The following CORO1C variants were observed in gnomAD, a reference collection of about 807,000 sequenced individuals.
The protein encoded by CORO1C is coronin 1C, also known as coronin-1C.
In CORO1C, 14 loss-of-function variants were observed where a neutral mutation model predicts 51.2. That is an observed-to-expected ratio of 0.27 (90% CI 0.18 to 0.43). The LOEUF (loss-of-function observed/expected upper bound fraction) is 0.43. Among genes scored for constraint, CORO1C ranks in the 20% least tolerant of loss-of-function variants. The pLI, the probability that CORO1C is intolerant of heterozygous loss-of-function variation, is 1.00. For missense variants in CORO1C, 417 were observed against 607.8 expected, an observed-to-expected ratio of 0.69 and a Z score of 3.30; for synonymous variants, 181 against 210.5, an observed-to-expected ratio of 0.86 and a Z score of 1.21.
rs568254702 is a variant in CORO1C, at chr12:108,689,164, C to T, written c.196-10770G>A. 2.6e-5 allele frequency among the ~76,000 whole-genome samples: 4 copies of T among 152,272 alleles called. No homozygotes were observed. In the South Asian group the frequency reaches 8.3e-4, roughly 32 times the overall value. On this transcript the variant is annotated intron_variant, in intron 2 of 10. Coordinates refer to ENST00000261401, the MANE Select transcript of CORO1C (RefSeq NM_014325.4). ...GCAGTGAGCTGAGATCGCACCACTG[C>T]ACTCCAGCCTGGGCAACAGAGCGAG...
At chr12:108,704,019 C>T (rs1045991979) in intron 1 of CORO1C, among the ~76,000 whole-genome samples, 3 of 152,146 alleles carry the variant, frequency 2.0e-5, no homozygotes, top group Non-Finnish European at 2.9e-5. Context: ...TGAGGAAGGC[C>T]TCTCACTTGA....
intron 1 of CORO1C, among the ~76,000 whole-genome samples, chr12:108,717,329 G>A (rs765613339): frequency 2.6e-5 from 4 of 152,258 alleles, no homozygotes; most frequent in Non-Finnish European, 4.4e-5. Flanking sequence ...CCGGATCACA[G>A]AGGGCTTTCT....
At chr12:108,647,628 C>A in intron 10 of CORO1C, 106 bp from the exon 11 acceptor site, 2 of 744,610 alleles carry the variant, frequency 2.7e-6, no homozygotes. Context: ...TTGCAAACGG[C>A]AAGCCATAGT....
At chr12:108,717,883 G>T (rs7955014) in intron 1 of CORO1C, among the ~76,000 whole-genome samples, 1 of 152,188 alleles carries the variant, frequency 6.6e-6, no homozygotes, top group Non-Finnish European at 1.5e-5. Flanking sequence ...TCGCAAAAGT[G>T]TCTGGAGCTT....
intron 2 of CORO1C, among the ~76,000 whole-genome samples, chr12:108,695,875 A>AG (rs1491529320): frequency 6.6e-6 from 1 of 151,340 alleles, no homozygotes; most frequent in East Asian, 1.9e-4. Context: ...AAAAAAAAAA[A>AG]CAGTCTTTCA....
chr12:108,648,594 CT>C lies in CORO1C; in HGVS notation c.1305+10del. 1 of 1,614,140 alleles carries C rather than the reference CT, an allele frequency of 6.2e-7. No individual in the cohort carries two copies. The highest frequency in any genetic ancestry group is 8.5e-7 in the Non-Finnish European group (1 of 1,180,032). On this transcript the variant is annotated intron_variant, in intron 10 of 10. Coordinates refer to ENST00000261401, the MANE Select transcript of CORO1C (RefSeq NM_014325.4). Reference sequence around the variant, plus strand: ...ACCAGCCAAGCACCCCTGCACTCCACTGGTCCTCACCACACTGGCCGTGTCT... The same window carrying C: ...ACCAGCCAAGCACCCCTGCACTCCACGGTCCTCACCACACTGGCCGTGTCT...
chr12:108,706,186 C>G, intron 1 of CORO1C, among the ~76,000 whole-genome samples: 1 of 118,582 alleles, frequency 8.4e-6, no homozygotes, highest in Admixed American at 9.3e-5. Context: ...GACTCTGAAT[C>G]AAAAAAAAAC....
At chr12:108,725,437 T>C (rs907186955) in intron 1 of CORO1C, among the ~76,000 whole-genome samples, 5 of 152,208 alleles carry the variant, frequency 3.3e-5, no homozygotes, top group Non-Finnish European at 7.3e-5. Context: ...ATCTTGCCAA[T>C]GACCCTGCAA....
In CORO1C at chr12:108,648,977, T is replaced by A. The variant is rs200269891; in HGVS notation, c.1045A>T (p.Thr349Ser). 7 of 1,614,172 alleles carry A rather than the reference T, an allele frequency of 4.3e-6. No individual in the cohort carries two copies. The highest frequency in any genetic ancestry group is 5.9e-6 in the Non-Finnish European group (7 of 1,180,032). Residue 349 changes from threonine (T) to serine (S), a missense_variant, in exon 9 of 11, where the codon ACT becomes TCT. Thr to Ser is a moderately conservative substitution (Grantham distance 58). Transcript: ENST00000261401. ...HERKCEPIIMTVPRKSDLFQD... is the reference protein window; with the variant it reads ...HERKCEPIIMSVPRKSDLFQD... ...TCAGCACTCACCTTCCTGGGAACAG[T>A]CATAATAATAGGTTCACACTTTCTC...
In CORO1C at chr12:108,716,127, C is replaced by CAAAAAAA. The variant is rs61278729; in HGVS notation, c.-5-14811_-5-14805dup. Among the ~76,000 whole-genome samples, 9 of 41,094 alleles carry CAAAAAAA rather than the reference C, an allele frequency of 2.2e-4. 1 individual carries two copies. Among genetic ancestry groups the CAAAAAAA allele is most frequent in the Non-Finnish European group, 2.7e-4 (7 of 25,800 alleles). The allele number at this position is 41,094 out of a possible 152,430, so 27.0% of individuals were successfully genotyped here. On this transcript the variant is annotated intron_variant, in intron 1 of 10. Coordinates refer to ENST00000261401, the MANE Select transcript of CORO1C (RefSeq NM_014325.4). The stretch of plus-strand genomic sequence containing the variant: ...TTGGCAATAGAACGAGACTCTGTCG[C>CAAAAAAA]AAAAAAAAAAAAAAAAAAAAAAAAA...
At chr12:108,657,482 G>T (rs202147131) in intron 5 of CORO1C, 59 bp from the exon 6 acceptor site, 2 of 1,584,238 alleles carry the variant, frequency 1.3e-6, no homozygotes, top group East Asian at 4.5e-5. Flanking sequence ...GGTGAGTGGA[G>T]AAACTCGGGC....
intron 1 of CORO1C, among the ~76,000 whole-genome samples, chr12:108,728,078 T>C (rs2035632265): frequency 6.6e-6 from 1 of 152,200 alleles, no homozygotes; most frequent in Non-Finnish European, 1.5e-5. Context: ...GTGGAGAATT[T>C]AGAACCTTCA....
At chr12:108,655,312 T>C (rs1184878780) in intron 6 of CORO1C, among the ~76,000 whole-genome samples, 1 of 152,148 alleles carries the variant, frequency 6.6e-6, no homozygotes, top group Non-Finnish European at 1.5e-5. Flanking sequence ...TCCAAAACAC[T>C]AGATTCTTCA....
intron 1 of CORO1C, among the ~76,000 whole-genome samples, chr12:108,721,601 A>C (rs1484011560): frequency 6.6e-6 from 1 of 152,256 alleles, no homozygotes; most frequent in African/African-American, 2.4e-5. Context: ...AGAAAAATCA[A>C]GTCCCTAATA....
rs541246505 is a variant in CORO1C at position 108,669,694 on chromosome 12, G to C, written c.319-7536C>G. On this transcript the variant is annotated intron_variant, in intron 3 of 10. Coordinates refer to ENST00000261401, the MANE Select transcript of CORO1C (RefSeq NM_014325.4). ...CCGTTAAAAAAAAAAAAAAAAAGGCGGGGGGTGGCGGGGGGTGTTGTCTGA... is the reference window on the plus strand; with the variant it reads ...CCGTTAAAAAAAAAAAAAAAAAGGCCGGGGGTGGCGGGGGGTGTTGTCTGA... Among the ~76,000 whole-genome samples the C allele has an allele frequency of 2.0e-4, 29 of 147,484 alleles. No homozygotes were observed. The East Asian group carries it at 5.6e-3, about 28-fold the overall frequency.
chr12:108,664,641 C>T (rs2033404196), intron 3 of CORO1C, among the ~76,000 whole-genome samples: 1 of 152,224 alleles, frequency 6.6e-6, no homozygotes, highest in Non-Finnish European at 1.5e-5. Flanking sequence ...TGCCCTCTCC[C>T]TCCCTCTGCG....
At position 108,646,999 on chromosome 12, in the gene CORO1C, G is replaced by GA. The variant is rs1265087999; in HGVS notation, c.*403dup. The stretch of plus-strand genomic sequence containing the variant: ...TTTTGGTTTTGGCAACATTAAAAAA[G>GA]AAAGAAATATAAAAAGCAATGTGGC... On this transcript the variant is annotated 3_prime_UTR_variant, in exon 11 of 11. Coordinates refer to ENST00000261401, the MANE Select transcript of CORO1C (RefSeq NM_014325.4). 6.5e-6 allele frequency: 1 copy of GA among 154,976 alleles called. No homozygotes were observed. Among genetic ancestry groups the GA allele is most frequent in the African/African-American group, 2.4e-5 (1 of 41,094 alleles). 9.6% of individuals were successfully genotyped at this position (154,976 alleles called of 1,614,324 possible). A position where few individuals can be genotyped will look rare whatever the true frequency, so the allele number is the denominator to read the frequency against.
At chr12:108,654,707 T>C (rs2032854988) in intron 6 of CORO1C, among the ~76,000 whole-genome samples, 1 of 146,608 alleles carries the variant, frequency 6.8e-6, no homozygotes, top group Non-Finnish European at 1.5e-5. Context: ...TTCTTTTTCT[T>C]TTTTTTTTTT....
Position 108,647,448 on chromosome 12 carries a change from C to A in CORO1C, c.1380G>T (p.Glu460Asp). Residue 460 changes from glutamate (E) to aspartate (D), a missense_variant, in exon 11 of 11, where the codon GAG becomes GAT. Transcript: ENST00000261401. ...SIKDTICNQD[E>D]RISKLEQQMA... is the part of the protein sequence containing the mutation. ...TCTGCTGTTCTAACTTGGAAATACG[C>A]TCATCTTGATTGCAGATTGTGTCTT... is the stretch of plus-strand genomic sequence containing the variant. 6.2e-7 allele frequency: 1 copy of A among 1,613,430 alleles called. No homozygotes were observed. The highest frequency in any genetic ancestry group is 2.2e-5 in the East Asian group (1 of 44,890).
Sources: allele counts gnomAD v4.1 joint callset (sites outside exome capture counted in the v4.1 genomes callset), GRCh38; gene constraint gnomAD v4.1.1; transcripts MANE v1.5; gene names NCBI Gene and HGNC (gene_info 2026-07-23, HGNC 2026-07-21).